HPRT1: variants seen among roughly 807,000 people sequenced by gnomAD.
The protein encoded by HPRT1 is hypoxanthine-guanine phosphoribosyltransferase.
In HPRT1, 4 loss-of-function variants were observed where a neutral mutation model predicts 19.0. The observed-to-expected ratio is 0.21, with a 90% CI of 0.10 to 0.48. The LOEUF (loss-of-function observed/expected upper bound fraction) is 0.48. HPRT1 is among the 20% of genes least tolerant of loss of function. The probability of loss-of-function intolerance (pLI) is 0.98; values close to 1 mark genes in which losing one functional copy is unlikely to be tolerated. For synonymous variants in HPRT1, 53 were observed against 54.9 expected (o/e 0.97, Z 0.15); for missense variants, 65 against 164.0 (o/e 0.40, Z 3.30).
intron 4 of HPRT1, among the ~76,000 whole-genome samples, chrX:134,487,021 G>A (rs1473287522): frequency 9.0e-6 from 1 of 110,963 alleles, no homozygotes; most frequent in Admixed American, 9.7e-5. Flanking sequence ...TGTGATTAGG[G>A]TGAGGTTGAT....
intron 4 of HPRT1, among the ~76,000 whole-genome samples, chrX:134,486,940 G>C (rs971356588): frequency 7.2e-5 from 8 of 110,426 alleles, no homozygotes; most frequent in African/African-American, 2.0e-4. Flanking sequence ...CCTGACAACT[G>C]ATTCAAAGCA....
intron 1 of HPRT1, among the ~76,000 whole-genome samples, chrX:134,469,759 G>A (rs1326392018): frequency 9.0e-6 from 1 of 111,681 alleles, no homozygotes; most frequent in African/African-American, 3.3e-5. Flanking sequence ...TTAGTACTCT[G>A]GATCTTCCTG....
rs949307114 is a variant in HPRT1 at position 134,488,092 on chromosome X, G to A, written c.384+1562G>A. On this transcript the variant is annotated intron_variant, in intron 4 of 8. Transcript: ENST00000298556. ...TATAACGAGTGAAAGTTATTTCTTG[G>A]TGGTAAGATTATGGGATTATTTGAA... Among the ~76,000 whole-genome samples, 16 of 110,484 alleles carry A rather than the reference G, an allele frequency of 1.4e-4. No individual in the cohort carries two copies. In the South Asian group the frequency reaches 2.4e-3, roughly 17 times the overall value.
chrX:134,491,495 T>C (rs1403379944), intron 5 of HPRT1, among the ~76,000 whole-genome samples: 2 of 111,423 alleles, frequency 1.8e-5, no homozygotes, highest in Non-Finnish European at 3.8e-5. Flanking sequence ...AAATCTCATG[T>C]TGAACCATCG....
chrX:134,484,204 A>T (rs983845107), intron 3 of HPRT1, among the ~76,000 whole-genome samples: 13 of 112,329 alleles, frequency 1.2e-4, no homozygotes, highest in African/African-American at 4.2e-4. Context: ...TAAAGACATC[A>T]ACTGGAGTTG....
At chrX:134,460,465 G>A in intron 1 of HPRT1, 127 bp downstream of exon 1, 1 of 497,705 alleles carries the variant, frequency 2.0e-6, no homozygotes, top group Non-Finnish European at 2.8e-6. Context: ...GCAGGCGGGG[G>A]CGGCCAGTTT....
chrX:134,471,902 A>G (rs17879085), intron 1 of HPRT1, among the ~76,000 whole-genome samples: 10 of 111,349 alleles, frequency 9.0e-5, no homozygotes, highest in African/African-American at 3.3e-4. Context: ...GCCTCCCAAA[A>G]TACTGGGATT....
chrX:134,472,639 T>C (rs2077613150), intron 1 of HPRT1, among the ~76,000 whole-genome samples: 1 of 111,608 alleles, frequency 9.0e-6, no homozygotes, highest in African/African-American at 3.3e-5. Flanking sequence ...CCATCTCAGC[T>C]CAGTGCAACC....
chrX:134,468,112 G>A lies in HPRT1; in HGVS notation c.28-5247G>A, dbSNP rs113651615. ...CAGGCATGAGCCACAGCGCCCAGCCGTCTTTTTTTTTAAATAGCAATTTAA... is the reference window on the plus strand; with the variant it reads ...CAGGCATGAGCCACAGCGCCCAGCCATCTTTTTTTTTAAATAGCAATTTAA... On this transcript the variant is annotated intron_variant, in intron 1 of 8. Transcript: ENST00000298556. Among the ~76,000 whole-genome samples, 459 of 109,164 alleles carry A rather than the reference G, an allele frequency of 4.2e-3. 1 individual carries two copies. Among genetic ancestry groups the A allele is most frequent in the African/African-American group, 0.013 (390 of 30,080 alleles). The allele number at this position is 109,164 out of a possible 115,157, so 94.8% of individuals were successfully genotyped here.
chrX:134,482,243 C>A (rs777708110), intron 3 of HPRT1, among the ~76,000 whole-genome samples: 1 of 110,049 alleles, frequency 9.1e-6, no homozygotes, highest in South Asian at 3.9e-4. Flanking sequence ...TTTGTAGAGA[C>A]GGGGTTTCAC....
At chrX:134,482,308 G>C (rs1006320265) in intron 3 of HPRT1, among the ~76,000 whole-genome samples, 7 of 111,893 alleles carry the variant, frequency 6.3e-5, no homozygotes, top group Admixed American at 1.9e-4. Flanking sequence ...TCCCACCTCA[G>C]CCTCCCAAAG....
Position 134,500,329 on chromosome X carries a change from C to A in HPRT1, c.*252C>A. 1 of 356,737 alleles carries A rather than the reference C, an allele frequency of 2.8e-6. No individual in the cohort carries two copies. Among genetic ancestry groups the A allele is most frequent in the Non-Finnish European group, 4.9e-6 (1 of 205,444 alleles). The allele number at this position is 356,737 out of a possible 1,213,427, so 29.4% of individuals were successfully genotyped here. The stretch of plus-strand genomic sequence containing the variant: ...TTTAACTTGTAAATGAAAAAATTCT[C>A]TTAAACCACAGCACTATTGAGTGAA... On this transcript the variant is annotated 3_prime_UTR_variant, in exon 9 of 9. Coordinates refer to ENST00000298556, the MANE Select transcript of HPRT1 (RefSeq NM_000194.3).
At chrX:134,465,210 C>CT (rs754295702) in intron 1 of HPRT1, among the ~76,000 whole-genome samples, 129 of 100,025 alleles carry the variant, frequency 1.3e-3, no homozygotes, top group South Asian at 6.1e-3. Flanking sequence ...GCCAACATGT[C>CT]TTTTTTTTTT....
At chrX:134,497,243 C>G (rs1395505622) in intron 6 of HPRT1, among the ~76,000 whole-genome samples, 1 of 111,020 alleles carries the variant, frequency 9.0e-6, no homozygotes, top group African/African-American at 3.3e-5. Context: ...GGGGGAGGAT[C>G]GCTAGAGCCC....
At chrX:134,485,447 G>T (rs1171933469) in intron 3 of HPRT1, among the ~76,000 whole-genome samples, 1 of 111,665 alleles carries the variant, frequency 9.0e-6, no homozygotes, top group Non-Finnish European at 1.9e-5. Flanking sequence ...TCCACTTATG[G>T]CTTTATTTTT....
chrX:134,467,892 G>A (rs1569353825), intron 1 of HPRT1, among the ~76,000 whole-genome samples: 1 of 102,604 alleles, frequency 9.7e-6, no homozygotes, highest in East Asian at 3.1e-4. Flanking sequence ...TGTAACCTCT[G>A]CCTCCTGGAT....
chrX:134,482,499 A>G (rs867169074), intron 3 of HPRT1, among the ~76,000 whole-genome samples: 1 of 112,170 alleles, frequency 8.9e-6, no homozygotes, highest in African/African-American at 3.2e-5. Context: ...TGTTTCTGCT[A>G]TGTGGTACAG....
rs1171086576 is a variant in HPRT1 at position 134,486,665 on chromosome X, A to C, written c.384+135A>C. ...GTTATTTAACCCTTGGAAGCAGTCT[A>C]GGTTAATTATCGTTCCCTAGGTCAT... On this transcript the variant is annotated intron_variant, in intron 4 of 8. Transcript: ENST00000298556. 3 of 496,508 alleles carry C rather than the reference A, an allele frequency of 6.0e-6. No individual in the cohort carries two copies. In the South Asian group the frequency reaches 7.3e-5, roughly 12 times the overall value. The allele number at this position is 496,508 out of a possible 1,213,427, so 40.9% of individuals were successfully genotyped here.
chrX:134,492,623 C>T (rs1409370002), intron 5 of HPRT1: 1 of 296,830 alleles, frequency 3.4e-6, no homozygotes, highest in East Asian at 1.1e-4. Flanking sequence ...TAGCCCATGA[C>T]AGTCTCACAA....
Sources: gnomAD v4.1 joint callset for allele counts (sites outside exome capture counted in the v4.1 genomes callset) on GRCh38, gnomAD v4.1.1 for gene constraint, MANE v1.5 for transcripts, NCBI Gene and HGNC (gene_info 2026-07-23, HGNC 2026-07-21) for gene names.